WDR72: variants seen among roughly 807,000 people sequenced by gnomAD.
WDR72 encodes WD repeat-containing protein 72.
In WDR72, 120 loss-of-function variants were observed where a neutral mutation model predicts 124.2. The observed-to-expected ratio is 0.97, with a 90% CI of 0.83 to 1.12. The LOEUF is 1.12. Ranked by LOEUF, WDR72 falls within the 50% of genes most tolerant of loss-of-function variation. The pLI, the probability that WDR72 is intolerant of heterozygous loss-of-function variation, is 0.00. For synonymous variants in WDR72, 452 were observed against 441.7 expected (o/e 1.02, Z -0.29); for missense variants, 1,387 against 1,278.8 (o/e 1.08, Z -1.29).
intron 19 of WDR72, among the ~76,000 whole-genome samples, chr15:53,520,815 C>T (rs1328393614): frequency 6.6e-6 from 1 of 152,070 alleles, no homozygotes; most frequent in Non-Finnish European, 1.5e-5. Context: ...CTCTCTGCCA[C>T]CAAATTCACA....
At chr15:53,722,930 T>C (rs946561606) in intron 2 of WDR72, 22 bp from the exon 3 acceptor site, 2 of 1,580,136 alleles carry the variant, frequency 1.3e-6, no homozygotes, top group Admixed American at 3.3e-5. Flanking sequence ...GAGAGTGAGC[T>C]TTTAAATAAT....
At chr15:53,612,850 G>T (rs897949373) in intron 16 of WDR72, among the ~76,000 whole-genome samples, 1 of 151,886 alleles carries the variant, frequency 6.6e-6, no homozygotes, top group African/African-American at 2.4e-5. Flanking sequence ...AGATGATCAG[G>T]AGCCTGCTAT....
chr15:53,654,770 A>T (rs549696908), intron 14 of WDR72, among the ~76,000 whole-genome samples: 2 of 152,252 alleles, frequency 1.3e-5, no homozygotes, highest in Non-Finnish European at 2.9e-5. Context: ...TATCATAAAA[A>T]GTGAAAATTT....
chr15:53,655,202 G>C (rs1399707825), intron 14 of WDR72, among the ~76,000 whole-genome samples: 1 of 115,024 alleles, frequency 8.7e-6, no homozygotes, highest in East Asian at 2.7e-4. Flanking sequence ...CTTCACTCCA[G>C]CCTGGGTGAC....
intron 14 of WDR72, among the ~76,000 whole-genome samples, chr15:53,657,694 T>C (rs1467396225): frequency 6.6e-6 from 1 of 152,196 alleles, no homozygotes; most frequent in Non-Finnish European, 1.5e-5. Context: ...AAATAAATGA[T>C]ATAAATATTT....
At chr15:53,751,645 G>A (rs768691117) in intron 1 of WDR72, among the ~76,000 whole-genome samples, 7 of 152,168 alleles carry the variant, frequency 4.6e-5, no homozygotes, top group South Asian at 2.1e-4. Context: ...TGTCTGTAAC[G>A]CCTAAGTTTA....
intron 18 of WDR72, among the ~76,000 whole-genome samples, chr15:53,579,520 G>T (rs182948456): frequency 4.6e-5 from 7 of 152,114 alleles, no homozygotes; most frequent in Admixed American, 2.6e-4. Flanking sequence ...TGGCAAATAA[G>T]AACCACCAGA....
intron 3 of WDR72, among the ~76,000 whole-genome samples, chr15:53,720,984 T>C (rs867451219): frequency 2.0e-5 from 3 of 152,190 alleles, no homozygotes; most frequent in Middle Eastern, 3.2e-3. Flanking sequence ...TAAATATGCA[T>C]TGTTGTTTGG....
chr15:53,574,052 T>C (rs1595768596), intron 18 of WDR72, among the ~76,000 whole-genome samples: 2 of 152,330 alleles, frequency 1.3e-5, no homozygotes, highest in South Asian at 4.1e-4. Flanking sequence ...ATAAAAGATT[T>C]GTCCATTTCT....
intron 16 of WDR72, among the ~76,000 whole-genome samples, chr15:53,611,247 T>C (rs898263838): frequency 6.6e-6 from 1 of 152,218 alleles, no homozygotes; most frequent in East Asian, 1.9e-4. Context: ...TCCATCTTCC[T>C]ATTATTTTTT....
intron 18 of WDR72, among the ~76,000 whole-genome samples, chr15:53,553,496 G>T (rs1893818026): frequency 6.6e-6 from 1 of 152,158 alleles, no homozygotes; most frequent in South Asian, 2.1e-4. Context: ...CTTTTAAGGA[G>T]ACTCTTTCCT....
At chr15:53,718,882 A>T (rs879523674) in intron 3 of WDR72, among the ~76,000 whole-genome samples, 4 of 144,644 alleles carry the variant, frequency 2.8e-5, no homozygotes, top group Non-Finnish European at 5.9e-5. Context: ...TTTTATTTCA[A>T]TGAAAAGAAA....
rs113156620 is a variant in WDR72 at position 53,524,166 on chromosome 15, A to G, written c.3149-844T>C. ...TCTTCATGAAGAAGCTCAGTGAAAA[A>G]GCAAAACAAGCCTGCAATAGCATAA... On this transcript the variant is annotated intron_variant, in intron 18 of 19. Coordinates refer to ENST00000360509, the MANE Select transcript of WDR72 (RefSeq NM_182758.4). 5.6e-3 allele frequency among the ~76,000 whole-genome samples: 848 copies of G among 152,224 alleles called. 4 individuals are homozygous for G. Among genetic ancestry groups the G allele is most frequent in the African/African-American group, 0.02 (816 of 41,558 alleles).
At chr15:53,627,535 C>T (rs1372881238) in intron 14 of WDR72, among the ~76,000 whole-genome samples, 4 of 152,102 alleles carry the variant, frequency 2.6e-5, no homozygotes, top group African/African-American at 7.2e-5. Flanking sequence ...TGACAAAAAA[C>T]GATGTAGCAG....
At chr15:53,623,096 T>C (rs2014065796) in intron 14 of WDR72, among the ~76,000 whole-genome samples, 1 of 152,184 alleles carries the variant, frequency 6.6e-6, no homozygotes, top group Admixed American at 6.6e-5. Context: ...GTGTAAAATA[T>C]TGTATACTAT....
At chr15:53,740,609 T>C (rs2018485246) in intron 1 of WDR72, among the ~76,000 whole-genome samples, 1 of 152,262 alleles carries the variant, frequency 6.6e-6, no homozygotes, top group East Asian at 1.9e-4. Flanking sequence ...TGATGCTTCT[T>C]CCTTCTACAT....
At chr15:53,693,286 T>C (rs2016899791) in intron 13 of WDR72, among the ~76,000 whole-genome samples, 1 of 152,214 alleles carries the variant, frequency 6.6e-6, no homozygotes, top group Non-Finnish European at 1.5e-5. Flanking sequence ...ACTGGCAAAT[T>C]ACTTCTCCAT....
intron 7 of WDR72, among the ~76,000 whole-genome samples, chr15:53,711,986 T>C (rs953284683): frequency 8.5e-5 from 13 of 152,192 alleles, no homozygotes; most frequent in Admixed American, 5.2e-4. Context: ...TTCTTTCTTC[T>C]TGGAAATGTC....
intron 18 of WDR72, among the ~76,000 whole-genome samples, chr15:53,562,315 C>A (rs199549774): frequency 6.6e-6 from 1 of 151,586 alleles, no homozygotes; most frequent in Non-Finnish European, 1.5e-5. Flanking sequence ...CTCTTAATTG[C>A]CCCCCACCCC....
Sources: gnomAD v4.1 joint callset for allele counts (sites outside exome capture counted in the v4.1 genomes callset) on GRCh38, gnomAD v4.1.1 for gene constraint, MANE v1.5 for transcripts, NCBI Gene and HGNC (gene_info 2026-07-23, HGNC 2026-07-21) for gene names.